The following SPATA21 variants were observed in gnomAD, a reference collection of about 807,000 sequenced individuals.
The protein encoded by SPATA21 is spermatogenesis associated 21, also known as spermatogenesis-associated protein 21.
SPATA21 carries 47 observed loss-of-function variants against 54.8 expected under a neutral mutation model. The observed-to-expected ratio is 0.86, with a 90% CI of 0.68 to 1.09. The LOEUF (loss-of-function observed/expected upper bound fraction) is 1.09. Among genes scored for constraint, SPATA21 ranks in the 50% least tolerant of loss-of-function variants. The pLI, the probability that SPATA21 is intolerant of heterozygous loss-of-function variation, is 0.00. For missense variants in SPATA21, 599 were observed against 596.4 expected (o/e 1.00, Z -0.05); for synonymous variants, 245 against 235.3 (o/e 1.04, Z -0.38).
At chr1:16,417,281 A>G (rs2086036424) in intron 5 of SPATA21, among the ~76,000 whole-genome samples, 1 of 151,554 alleles carries the variant, frequency 6.6e-6, no homozygotes, top group Non-Finnish European at 1.5e-5. Flanking sequence ...TTCTTTTGAG[A>G]CGGAGTTTCA....
At position 16,409,435 on chromosome 1, in the gene SPATA21, G is replaced by A. The variant is rs1193507946; in HGVS notation, c.587+166C>T. On this transcript the variant is annotated intron_variant, in intron 6 of 12. Transcript: ENST00000335496. This position sits in a 1 kb window ranked among gnomAD's most constrained non-coding sequence, Gnocchi z 4.1. The stretch of plus-strand genomic sequence containing the variant: ...TAGAAAAGGGGTCAGAAGTGGGAGA[G>A]GAGGCAGAGACATGGGAGATGCGGA... 6.6e-6 allele frequency among the ~76,000 whole-genome samples: 1 copy of A among 152,214 alleles called. No individual in the cohort carries two copies. Among genetic ancestry groups the A allele is most frequent in the Non-Finnish European group, 1.5e-5 (1 of 68,046 alleles).
chr1:16,400,816 G>C lies in SPATA21; in HGVS notation c.1078C>G (p.Gln360Glu). ...MEAAVGRLRL[Q>E]KLPYNPQQEE... Reference sequence around the variant, plus strand: ...TGCTGGGGGTTGTAGGGAAGCTTCTGCAACCGCAGCCGGCCTACGGCCGCT... The same window carrying C: ...TGCTGGGGGTTGTAGGGAAGCTTCTCCAACCGCAGCCGGCCTACGGCCGCT... The change falls in exon 11 of 13, where the codon CAG (glutamine) becomes GAG (glutamate). Residue 360 changes from glutamine (Q) to glutamate (E), a missense_variant. Gln to Glu is a conservative substitution (Grantham distance 29, BLOSUM62 2). Coordinates refer to ENST00000335496, the MANE Select transcript of SPATA21 (RefSeq NM_198546.1). The C allele has an allele frequency of 1.3e-6, 2 of 1,572,500 alleles. No homozygotes were observed. Among genetic ancestry groups the C allele is most frequent in the Non-Finnish European group, 1.7e-6 (2 of 1,144,594 alleles).
intron 7 of SPATA21, among the ~76,000 whole-genome samples, chr1:16,406,802 A>G (rs1298634915): frequency 6.6e-6 from 1 of 152,222 alleles, no homozygotes; most frequent in African/African-American, 2.4e-5. Flanking sequence ...AGGGTTGCCC[A>G]TTCACAGATG....
chr1:16,425,527 G>A, intron 3 of SPATA21: 1 of 1,548,642 alleles, frequency 6.5e-7, no homozygotes. Context: ...AGGTTACCTG[G>A]CAGCTCTCAG....
At chr1:16,413,195 C>T (rs1430465209) in intron 5 of SPATA21, among the ~76,000 whole-genome samples, 4 of 152,170 alleles carry the variant, frequency 2.6e-5, no homozygotes, top group Non-Finnish European at 4.4e-5. Flanking sequence ...ACCACTCCCC[C>T]GGGCCCTGGC....
chr1:16,409,504 G>T lies in SPATA21; in HGVS notation c.587+97C>A. 1 of 1,285,382 alleles carries T rather than the reference G, an allele frequency of 7.8e-7. No homozygotes were observed. The highest frequency in any genetic ancestry group is 1.1e-6 in the Non-Finnish European group (1 of 935,104). 79.6% of individuals were successfully genotyped at this position (1,285,382 alleles called of 1,614,324 possible). A position where few individuals can be genotyped will look rare whatever the true frequency, so the allele number is the denominator to read the frequency against. On this transcript the variant is annotated intron_variant, in intron 6 of 12. Coordinates refer to ENST00000335496, the MANE Select transcript of SPATA21 (RefSeq NM_198546.1). This position sits in a 1 kb window ranked among gnomAD's most constrained non-coding sequence, Gnocchi z 4.1. ...AAATGGAGAGAGGGGGACACACGAG[G>T]GAACAGGCAGGTGCAGGGACAGGGA... is the stretch of plus-strand genomic sequence containing the variant.
intron 3 of SPATA21, chr1:16,424,938 G>T: frequency 3.7e-6 from 1 of 271,034 alleles, no homozygotes; most frequent in South Asian, 3.5e-5. Context: ...ATTTTTTTGA[G>T]ACGGAGTTTT....
chr1:16,422,416 C>G (rs1355604945), intron 3 of SPATA21, among the ~76,000 whole-genome samples: 3 of 152,104 alleles, frequency 2.0e-5, no homozygotes, highest in African/African-American at 7.2e-5. Flanking sequence ...CGTGGCCTAC[C>G]CAAAGAACCA....
chr1:16,397,339 TAA>T (rs1557635806), downstream of SPATA21: 1 of 152,210 alleles, frequency 6.6e-6, no homozygotes, highest in East Asian at 1.9e-4. This position sits in a 1 kb window ranked among gnomAD's most constrained non-coding sequence, Gnocchi z 5.4. Flanking sequence ...GCAACGTTTT[TAA>T]AAAGAAAGAA....
intron 5 of SPATA21, among the ~76,000 whole-genome samples, chr1:16,419,742 G>A (rs1328352657): frequency 6.6e-6 from 1 of 152,078 alleles, no homozygotes; most frequent in Non-Finnish European, 1.5e-5. Context: ...GAGTTCGAGA[G>A]CAGCCTGACC....
At chr1:16,432,127 T>C (rs533081041) in intron 2 of SPATA21, among the ~76,000 whole-genome samples, 1 of 149,332 alleles carries the variant, frequency 6.7e-6, no homozygotes, top group Non-Finnish European at 1.5e-5. Flanking sequence ...TTTTTTTTTT[T>C]TTTGTTTGTT....
rs2085426312 is a variant in SPATA21 at position 16,400,870 on chromosome 1, C to T, written c.1024G>A (p.Glu342Lys). 6.2e-7 allele frequency: 1 copy of T among 1,612,912 alleles called. No homozygotes were observed. The highest frequency in any genetic ancestry group is 8.5e-7 in the Non-Finnish European group (1 of 1,179,536). ...ATCTCCTGGGCCTTGCAGGTGCCTT[C>T]CTTCAGCTTTTTCTGGTAGTAGCTG... is the stretch of plus-strand genomic sequence containing the variant. ...ITNYYQKKLK[E>K]GTCKAQEMEA... Residue 342 changes from glutamate to lysine, a missense_variant, in exon 11 of 13, where the codon GAA (glutamate) becomes AAA (lysine). Coordinates refer to ENST00000335496, the MANE Select transcript of SPATA21 (RefSeq NM_198546.1).
chr1:16,414,114 G>A (rs1249818898), intron 5 of SPATA21, among the ~76,000 whole-genome samples: 1 of 151,850 alleles, frequency 6.6e-6, no homozygotes, highest in African/African-American at 2.4e-5. Context: ...TGCCCAGGCT[G>A]GAGTGCAGTG....
downstream of SPATA21, chr1:16,396,394 A>G (rs1036509634): frequency 6.6e-6 from 1 of 152,202 alleles, no homozygotes; most frequent in African/African-American, 2.4e-5. Context: ...AAGATTGATG[A>G]CAGACTGGTT....
chr1:16,404,975 T>TGGTGA lies in SPATA21; in HGVS notation c.802_803insTCACC (p.Asp268ValfsTer18). 1 of 1,595,194 alleles carries TGGTGA rather than the reference T, an allele frequency of 6.3e-7. No homozygotes were observed. Among genetic ancestry groups the TGGTGA allele is most frequent in the African/African-American group, 1.4e-5 (1 of 73,848 alleles). ...AGCCCTCTGCCACTCACCATTGACATCAGCACTCATCAGGGCGTCCTCCAC... is the reference window on the plus strand; with the variant it reads ...AGCCCTCTGCCACTCACCATTGACATGGTGACAGCACTCATCAGGGCGTCCTCCAC... On this transcript the variant is annotated frameshift_variant, in exon 8 of 13. Coordinates refer to ENST00000335496, the MANE Select transcript of SPATA21 (RefSeq NM_198546.1). LOFTEE classifies it high-confidence loss of function.
chr1:16,428,092 C>T lies in SPATA21; in HGVS notation c.34+3246G>A. The T allele has an allele frequency of 6.8e-7, 1 of 1,476,272 alleles. No individual in the cohort carries two copies. The highest frequency in any genetic ancestry group is 9.1e-7 in the Non-Finnish European group (1 of 1,097,408). The allele number at this position is 1,476,272 out of a possible 1,614,324, so 91.4% of individuals were successfully genotyped here. A position where few individuals can be genotyped will look rare whatever the true frequency, so the allele number is the denominator to read the frequency against. On this transcript the variant is annotated intron_variant, in intron 3 of 12. Coordinates refer to ENST00000335496, the MANE Select transcript of SPATA21 (RefSeq NM_198546.1). The surrounding 1 kb of genome is among the most constrained non-coding windows in gnomAD (Gnocchi z 4.3). ...TTCTGGAGTGATCCCTCCCACTCCT[C>T]CCTGGGTACTCTTCTGGCCTCAAGG...
At chr1:16,402,867 A>G (rs2085498516) in intron 10 of SPATA21, among the ~76,000 whole-genome samples, 1 of 152,202 alleles carries the variant, frequency 6.6e-6, no homozygotes, top group African/African-American at 2.4e-5. Context: ...TCAAGGCTGC[A>G]GTGAGTCGTA....
chr1:16,417,116 C>T (rs952153531), intron 5 of SPATA21, among the ~76,000 whole-genome samples: 1 of 152,234 alleles, frequency 6.6e-6, no homozygotes, highest in African/African-American at 2.4e-5. Flanking sequence ...TCTAGCTTTT[C>T]AGCCGCTCTG....
At chr1:16,433,186 G>C (rs2086503745) in intron 1 of SPATA21, among the ~76,000 whole-genome samples, 1 of 152,262 alleles carries the variant, frequency 6.6e-6, no homozygotes, top group Non-Finnish European at 1.5e-5. Context: ...GGTTCCCACA[G>C]TTTACCAGGG....
Sources: gnomAD v4.1 joint callset for allele counts (sites outside exome capture counted in the v4.1 genomes callset) on GRCh38, gnomAD v4.1.1 for gene constraint, Gnocchi (gnomAD v3.1) non-coding constraint, MANE v1.5 for transcripts, NCBI Gene and HGNC (gene_info 2026-07-23, HGNC 2026-07-21) for gene names.